The following CRIM1 variants were observed in gnomAD, a reference collection of about 807,000 sequenced individuals.
The protein encoded by CRIM1 is cysteine rich transmembrane BMP regulator 1, also known as cysteine-rich motor neuron 1 protein.
CRIM1 carries 32 observed loss-of-function variants against 116.4 expected under a neutral mutation model. That is an observed-to-expected ratio of 0.27 (90% CI 0.21 to 0.37). The LOEUF is 0.37. Ranked by LOEUF, CRIM1 falls within the 10% of genes least tolerant of loss-of-function variation. CRIM1 has a pLI of 1.00. For synonymous variants in CRIM1, 590 were observed against 509.2 expected (o/e 1.16, Z -2.13); for missense variants, 1,331 against 1,354.8 (o/e 0.98, Z 0.28).
intron 1 of CRIM1, among the ~76,000 whole-genome samples, chr2:36,361,979 C>T (rs1669251773): frequency 6.6e-6 from 1 of 152,098 alleles, no homozygotes; most frequent in African/African-American, 2.4e-5. Flanking sequence ...ATCTGACTTG[C>T]CTTTGCATGG....
chr2:36,494,323 T>TA (rs1289877862), intron 7 of CRIM1, among the ~76,000 whole-genome samples: 4 of 152,154 alleles, frequency 2.6e-5, no homozygotes, highest in Non-Finnish European at 5.9e-5. Context: ...CTCTAATTTG[T>TA]AAAAAATACT....
chr2:36,402,928 A>G (rs1357703175), intron 2 of CRIM1, among the ~76,000 whole-genome samples: 1 of 152,106 alleles, frequency 6.6e-6, no homozygotes, highest in African/African-American at 2.4e-5. Context: ...GTCACAAGCA[A>G]TTTTTAAATG....
chr2:36,512,089 C>G (rs1385598743), intron 9 of CRIM1, among the ~76,000 whole-genome samples, 184 bp from the exon 10 acceptor site: 3 of 152,222 alleles, frequency 2.0e-5, no homozygotes, highest in Non-Finnish European at 2.9e-5. Context: ...CTGCCTTGGT[C>G]ATGAGTAAGT....
intron 15 of CRIM1, among the ~76,000 whole-genome samples, chr2:36,546,357 A>C (rs1195770223): frequency 6.6e-6 from 1 of 152,212 alleles, no homozygotes; most frequent in Non-Finnish European, 1.5e-5. Context: ...AACTAAATGT[A>C]GTCACCTATG....
chr2:36,361,688 C>T (rs957526941), intron 1 of CRIM1, among the ~76,000 whole-genome samples: 10 of 152,028 alleles, frequency 6.6e-5, no homozygotes, highest in Admixed American at 5.9e-4. Flanking sequence ...TTAACATCTC[C>T]CAGGCTATGG....
intron 5 of CRIM1, among the ~76,000 whole-genome samples, chr2:36,474,800 A>G (rs1050810934): frequency 7.2e-6 from 1 of 138,810 alleles, no homozygotes; most frequent in African/African-American, 2.7e-5. Context: ...GTGAGCTCAG[A>G]TGACGCCACT....
At chr2:36,391,257 A>T (rs1179159584) in intron 1 of CRIM1, among the ~76,000 whole-genome samples, 2 of 149,178 alleles carry the variant, frequency 1.3e-5, no homozygotes, top group Admixed American at 6.8e-5. Context: ...GCCTCCCGAG[A>T]AGCTGGGACT....
At chr2:36,540,783 G>C (rs1041454925) in intron 14 of CRIM1, among the ~76,000 whole-genome samples, 1 of 152,214 alleles carries the variant, frequency 6.6e-6, no homozygotes, top group Non-Finnish European at 1.5e-5. Context: ...CAGGACAGCT[G>C]TAACAGGCAC....
Position 36,479,533 on chromosome 2 carries a change from A to T in CRIM1, c.1211A>T (p.Tyr404Phe). The T allele has an allele frequency of 6.2e-7, 1 of 1,614,232 alleles. No homozygotes were observed. Among genetic ancestry groups the T allele is most frequent in the East Asian group, 2.2e-5 (1 of 44,884 alleles). ...VYPFNNPAGC[Y>F]ANGLILAHGD... ...CCTTTTAATAATCCCGCTGGCTGCTATGCCAATGGCCTGATCCTTGCCCAC... is the reference window on the plus strand; with the variant it reads ...CCTTTTAATAATCCCGCTGGCTGCTTTGCCAATGGCCTGATCCTTGCCCAC... Residue 404 changes from tyrosine to phenylalanine, a missense_variant, in exon 7 of 17, where the codon TAT (tyrosine) becomes TTT (phenylalanine). Coordinates refer to ENST00000280527, the MANE Select transcript of CRIM1 (RefSeq NM_016441.3).
At chr2:36,457,725 G>T (rs978217079) in intron 4 of CRIM1, among the ~76,000 whole-genome samples, 9 of 151,290 alleles carry the variant, frequency 5.9e-5, no homozygotes, top group Non-Finnish European at 1.0e-4. Flanking sequence ...TAGGAAACCT[G>T]TTTCTTTTTG....
At chr2:36,533,811 T>C (rs1666284680) in intron 13 of CRIM1, among the ~76,000 whole-genome samples, 2 of 152,180 alleles carry the variant, frequency 1.3e-5, no homozygotes, top group South Asian at 4.1e-4. Flanking sequence ...TTATTCTACA[T>C]AGGTCAGTAT....
intron 4 of CRIM1, among the ~76,000 whole-genome samples, chr2:36,454,278 T>C (rs1676970239): frequency 1.3e-5 from 2 of 152,150 alleles, no homozygotes; most frequent in South Asian, 2.1e-4. Context: ...TAGTGTGTTC[T>C]TTCCTCTATC....
intron 4 of CRIM1, among the ~76,000 whole-genome samples, chr2:36,464,235 T>C (rs1677813135): frequency 6.6e-6 from 1 of 152,238 alleles, no homozygotes; most frequent in African/African-American, 2.4e-5. Flanking sequence ...AAATGTTTGT[T>C]ACGCTCAATA....
At chr2:36,367,630 C>T (rs1169661239) in intron 1 of CRIM1, among the ~76,000 whole-genome samples, 2 of 152,098 alleles carry the variant, frequency 1.3e-5, no homozygotes, top group Non-Finnish European at 2.9e-5. Context: ...CGAATATTAC[C>T]TTGTGTTTGC....
intron 6 of CRIM1, among the ~76,000 whole-genome samples, chr2:36,479,198 A>G (rs1274836711): frequency 3.3e-5 from 5 of 152,248 alleles, no homozygotes; most frequent in African/African-American, 1.2e-4. Context: ...TTACCAACCC[A>G]CAGCTCTTGC....
intron 1 of CRIM1, among the ~76,000 whole-genome samples, chr2:36,362,225 T>A (rs1669272094): frequency 6.6e-6 from 1 of 152,176 alleles, no homozygotes; most frequent in Non-Finnish European, 1.5e-5. Context: ...TGTGTATGAT[T>A]AATTGGCTAG....
intron 2 of CRIM1, among the ~76,000 whole-genome samples, chr2:36,400,838 A>G (rs1326380765): frequency 1.3e-5 from 2 of 152,148 alleles, no homozygotes; most frequent in Non-Finnish European, 2.9e-5. Flanking sequence ...GGAGGGGTTA[A>G]GAGTGCAGTG....
chr2:36,390,701 C>T (rs1671508584), intron 1 of CRIM1, among the ~76,000 whole-genome samples: 1 of 152,078 alleles, frequency 6.6e-6, no homozygotes, highest in South Asian at 2.1e-4. Context: ...CGAGAGCAGT[C>T]ATTTCTTGCA....
chr2:36,372,678 C>G (rs1419913977), intron 1 of CRIM1, among the ~76,000 whole-genome samples: 3 of 152,232 alleles, frequency 2.0e-5, no homozygotes, highest in Non-Finnish European at 2.9e-5. Flanking sequence ...TCTGCTGCGG[C>G]ATGGCCCTTC....
Sources: allele counts gnomAD v4.1 joint callset (sites outside exome capture counted in the v4.1 genomes callset), GRCh38; gene constraint gnomAD v4.1.1; transcripts MANE v1.5; gene names NCBI Gene and HGNC (gene_info 2026-07-23, HGNC 2026-07-21).